The following FSD2 variants were observed in gnomAD, a reference collection of about 807,000 sequenced individuals.
FSD2 encodes fibronectin type III and SPRY domain containing 2, also known as fibronectin type III and SPRY domain-containing protein 2.
A neutral mutation model predicts 80.4 loss-of-function variants in FSD2; 71 were observed. The observed-to-expected ratio is 0.88, with a 90% CI of 0.73 to 1.08. The LOEUF (loss-of-function observed/expected upper bound fraction) is 1.08. FSD2 is among the 50% of genes least tolerant of loss of function. The probability of loss-of-function intolerance (pLI) is 0.00; values close to 1 mark genes in which losing one functional copy is unlikely to be tolerated. For missense variants in FSD2, 923 were observed against 913.8 expected, an observed-to-expected ratio of 1.01 and a Z score of -0.13; for synonymous variants, 361 against 329.5, an observed-to-expected ratio of 1.10 and a Z score of -1.03.
chr15:82,779,297 G>A (rs2049795193), intron 5 of FSD2, among the ~76,000 whole-genome samples: 1 of 152,134 alleles, frequency 6.6e-6, no homozygotes. Flanking sequence ...CCCTCAAGTT[G>A]CTGATCATGG....
intron 3 of FSD2, among the ~76,000 whole-genome samples, chr15:82,784,507 A>G (rs1240205507): frequency 6.6e-6 from 1 of 152,110 alleles, no homozygotes; most frequent in Non-Finnish European, 1.5e-5. Context: ...TTGGCCTCCC[A>G]AAGTGCTGAA....
At position 82,771,065 on chromosome 15, in the gene FSD2, C is replaced by T. The variant is rs75267969; in HGVS notation, c.1267+1008G>A. On this transcript the variant is annotated intron_variant, in intron 7 of 12. Transcript: ENST00000334574. ...TATTCTGACCACTCTCACCCTCCCTCATCATCACTTAAATTTACTCTTACT... is the reference window on the plus strand; with the variant it reads ...TATTCTGACCACTCTCACCCTCCCTTATCATCACTTAAATTTACTCTTACT... Among the ~76,000 whole-genome samples, 11 of 152,200 alleles carry T rather than the reference C, an allele frequency of 7.2e-5. No individual in the cohort carries two copies. The East Asian group carries it at 2.1e-3, about 29-fold the overall frequency.
intron 11 of FSD2, 69 bp downstream of exon 11, chr15:82,765,097 A>G (rs1225075041): frequency 6.7e-7 from 1 of 1,493,602 alleles, no homozygotes; most frequent in African/African-American, 1.4e-5. Flanking sequence ...CCATATTCGG[A>G]TTTGACCTGA....
In FSD2 at chr15:82,755,974, A is replaced by T. The variant is rs2049166683; in HGVS notation, c.*3374T>A. 1 of 517,106 alleles carries T rather than the reference A, an allele frequency of 1.9e-6. No individual in the cohort carries two copies. The highest frequency in any genetic ancestry group is 1.9e-5 in the Admixed American group (1 of 51,470). 32.0% of individuals were successfully genotyped at this position (517,106 alleles called of 1,614,324 possible). On this transcript the variant is annotated 3_prime_UTR_variant, in exon 13 of 13. Coordinates refer to ENST00000334574, the MANE Select transcript of FSD2 (RefSeq NM_001007122.4). ...AGACTAAGAAAATAGAGTCCTTGAA[A>T]TCAAGCTGACTCTGCTTTTAGCCTC... is the stretch of plus-strand genomic sequence containing the variant.
At chr15:82,765,774 C>T (rs982614590) in intron 10 of FSD2, 124 bp downstream of exon 10, 2 of 1,275,842 alleles carry the variant, frequency 1.6e-6, no homozygotes, top group Non-Finnish European at 1.1e-6. Context: ...TCCTTCTGGC[C>T]TGACTTGCCA....
chr15:82,769,787 G>A lies in FSD2; in HGVS notation c.1365C>T (p.Gly455=), dbSNP rs1355241290. ...EFWVTAHNRA[G]PSPSSERAVY... ...CTGCACGCTCGCTAGAGGGGCTGGGGCCAGCCCTGTTGTGAGCTGTGACCC... is the reference window on the plus strand; with the variant it reads ...CTGCACGCTCGCTAGAGGGGCTGGGACCAGCCCTGTTGTGAGCTGTGACCC... The change falls in exon 8 of 13, where the codon GGC becomes GGT. Residue 455 remains glycine, a synonymous_variant. Coordinates refer to ENST00000334574, the MANE Select transcript of FSD2 (RefSeq NM_001007122.4). 6.2e-7 allele frequency: 1 copy of A among 1,613,920 alleles called. No homozygotes were observed. Among genetic ancestry groups the A allele is most frequent in the South Asian group, 1.1e-5 (1 of 91,080 alleles).
chr15:82,762,077 T>G (rs1429329250), intron 12 of FSD2, 25 bp downstream of exon 12: 5 of 1,535,812 alleles, frequency 3.3e-6, no homozygotes, highest in African/African-American at 1.4e-5. Flanking sequence ...AAATTTTAAT[T>G]GTGAGTATCC....
intron 1 of FSD2, among the ~76,000 whole-genome samples, chr15:82,798,875 T>TTG (rs2050343725): frequency 1.4e-5 from 2 of 145,042 alleles, no homozygotes; most frequent in East Asian, 2.0e-4. Context: ...TCTCCACTGT[T>TTG]TTGTTTTTTT....
chr15:82,759,641 A>C, intron 12 of FSD2, 41 bp from the exon 13 acceptor site: 1 of 1,444,940 alleles, frequency 6.9e-7, no homozygotes. Flanking sequence ...CAGTAATTCT[A>C]TAGATTGACT....
At chr15:82,785,741 C>G (rs1427564050) in intron 3 of FSD2, among the ~76,000 whole-genome samples, 2 of 152,152 alleles carry the variant, frequency 1.3e-5, no homozygotes, top group African/African-American at 4.8e-5. Flanking sequence ...TGACAGTCTA[C>G]ACCTGACTTT....
intron 8 of FSD2, among the ~76,000 whole-genome samples, 171 bp from the exon 9 acceptor site, chr15:82,769,201 C>T (rs2049498169): frequency 6.6e-6 from 1 of 152,186 alleles, no homozygotes; most frequent in Admixed American, 6.5e-5. Flanking sequence ...ATAGAAGATG[C>T]TTGCAAGGTT....
chr15:82,783,127 CTTGCAGTG>C, intron 3 of FSD2, 102 bp from the exon 4 acceptor site: 1 of 840,230 alleles, frequency 1.2e-6, no homozygotes, highest in South Asian at 1.7e-5. Flanking sequence ...GAGACACAGT[CTTGCAGTG>C]TTGCCCAGGC....
chr15:82,782,388 A>G (rs1186250865), intron 4 of FSD2, among the ~76,000 whole-genome samples: 1 of 152,242 alleles, frequency 6.6e-6, no homozygotes, highest in Non-Finnish European at 1.5e-5. Flanking sequence ...CAACAGAGTG[A>G]GACTCCGTCT....
chr15:82,759,232 T>C lies in FSD2; in HGVS notation c.*116A>G, dbSNP rs1596222407. 8.9e-7 allele frequency: 1 copy of C among 1,120,230 alleles called. No individual in the cohort carries two copies. The highest frequency in any genetic ancestry group is 2.5e-5 in the East Asian group (1 of 39,402). 69.4% of individuals were successfully genotyped at this position (1,120,230 alleles called of 1,614,324 possible). ...CTAGCACACCAGTCAGATAATAGCA[T>C]GAGCCATAAATTGTGCTGGGCACAT... On this transcript the variant is annotated 3_prime_UTR_variant, in exon 13 of 13. Coordinates refer to ENST00000334574, the MANE Select transcript of FSD2 (RefSeq NM_001007122.4).
At chr15:82,800,519 C>T (rs2050383538) in intron 1 of FSD2, among the ~76,000 whole-genome samples, 1 of 151,730 alleles carries the variant, frequency 6.6e-6, no homozygotes, top group Non-Finnish European at 1.5e-5. Context: ...TGGTGAAACC[C>T]CGTCTCTACT....
At position 82,786,887 on chromosome 15, in the gene FSD2, C is replaced by T; in HGVS notation, c.504G>A (p.Glu168=). ...CAGCAGCTTCTTCTTCATCCTCTTC[C>T]TCGGGGATGACATAGCATTCATACT... The part of the protein sequence containing the change: ...SEEYECYVIP[E]EEDEEEAADV... The change falls in exon 2 of 13, where the codon GAG becomes GAA. Residue 168 remains glutamate (E), a synonymous_variant. Coordinates refer to ENST00000334574, the MANE Select transcript of FSD2 (RefSeq NM_001007122.4). 6.2e-7 allele frequency: 1 copy of T among 1,613,976 alleles called. No homozygotes were observed. The highest frequency in any genetic ancestry group is 1.7e-5 in the Admixed American group (1 of 60,018).
intron 1 of FSD2, 27 bp from the exon 2 acceptor site, chr15:82,787,495 C>A: frequency 8.6e-7 from 1 of 1,162,970 alleles, no homozygotes; most frequent in Admixed American, 2.5e-5. Flanking sequence ...GGAGGAAAAT[C>A]ATTTCTGGAG....
At chr15:82,773,026 T>C (rs2049622632) in intron 6 of FSD2, among the ~76,000 whole-genome samples, 1 of 152,186 alleles carries the variant, frequency 6.6e-6, no homozygotes, top group South Asian at 2.1e-4. Context: ...TTTGTATTTT[T>C]AGTAGAGACA....
At chr15:82,775,915 T>C (rs2049704605) in intron 6 of FSD2, among the ~76,000 whole-genome samples, 1 of 152,246 alleles carries the variant, frequency 6.6e-6, no homozygotes, top group Admixed American at 6.5e-5. Context: ...GAGTGTGTTG[T>C]GTAATTTCCA....
Sources: gnomAD v4.1 joint callset for allele counts (sites outside exome capture counted in the v4.1 genomes callset) on GRCh38, gnomAD v4.1.1 for gene constraint, MANE v1.5 for transcripts, NCBI Gene and HGNC (gene_info 2026-07-23, HGNC 2026-07-21) for gene names.